SMG1: variants seen among roughly 807,000 people sequenced by gnomAD.
The protein encoded by SMG1 is SMG1 nonsense mediated mRNA decay associated PI3K related kinase, also known as serine/threonine-protein kinase SMG1.
SMG1 carries 22 observed loss-of-function variants against 419.9 expected under a neutral mutation model. The ratio of observed to expected loss-of-function variants is 0.05; its 90% CI spans 0.04 to 0.07. The LOEUF (loss-of-function observed/expected upper bound fraction) is 0.07. Among genes scored for constraint, SMG1 ranks in the 10% least tolerant of loss-of-function variants. SMG1 has a pLI of 1.00. For missense variants in SMG1, 3,185 were observed against 4,342.0 expected (o/e 0.73, Z 7.49); for synonymous variants, 1,538 against 1,553.5 (o/e 0.99, Z 0.23).
Position 18,829,574 on chromosome 16 carries a change from T to A in SMG1, c.9315A>T (p.Thr3105=). The A allele has an allele frequency of 6.2e-7, 1 of 1,614,050 alleles. No individual in the cohort carries two copies. The highest frequency in any genetic ancestry group is 8.5e-7 in the Non-Finnish European group (1 of 1,179,894). ...IGLPNQALGL[T]LCSFISALGV... ...CCAGAGCACTGATAAAACTGCACAG[T>A]GTGAGTCCGAGGGCTTGGTTGGGTA... is the stretch of plus-strand genomic sequence containing the variant. Residue 3105 remains threonine (T), a synonymous_variant, in exon 54 of 63, where the codon ACA becomes ACT. Transcript: ENST00000446231.
intron 3 of SMG1, 148 bp from the exon 4 acceptor site, chr16:18,892,502 T>C (rs2036928381): frequency 1.7e-6 from 1 of 578,552 alleles, no homozygotes; most frequent in South Asian, 2.4e-5. Flanking sequence ...GGCGGGTAGA[T>C]CACCTGAGTT....
rs1428536458 is a variant in SMG1 at position 18,852,058 on chromosome 16, T to C, written c.5052+9A>G. The C allele has an allele frequency of 2.5e-6, 4 of 1,600,498 alleles. No individual in the cohort carries two copies. Among genetic ancestry groups the C allele is most frequent in the South Asian group, 1.1e-5 (1 of 88,152 alleles). On this transcript the variant is annotated intron_variant, in intron 33 of 62. Transcript: ENST00000446231. Reference sequence around the variant, plus strand: ...AGCAATCTTGCCCCAAGCACCATGTTTTCCTTGCCTGAATCCCCGCCGGCC... The same window carrying C: ...AGCAATCTTGCCCCAAGCACCATGTCTTCCTTGCCTGAATCCCCGCCGGCC...
rs140175854 is a variant in SMG1 at position 18,806,428 on chromosome 16, T to G, written c.*3141A>C. 4 of 152,506 alleles carry G rather than the reference T, an allele frequency of 2.6e-5. No individual in the cohort carries two copies. The highest frequency in any genetic ancestry group is 2.6e-4 in the Admixed American group (4 of 15,264). 9.4% of individuals were successfully genotyped at this position (152,506 alleles called of 1,614,324 possible). Reference sequence around the variant, plus strand: ...GTTCTCACATGGAAATCTCAACAGATTTCAAAAGCAACTCACCACAAGTGT... The same window carrying G: ...GTTCTCACATGGAAATCTCAACAGAGTTCAAAAGCAACTCACCACAAGTGT... On this transcript the variant is annotated 3_prime_UTR_variant, in exon 63 of 63. Transcript: ENST00000446231.
chr16:18,859,068 C>T lies in SMG1; in HGVS notation c.4067G>A (p.Cys1356Tyr). The change falls in exon 28 of 63, where the codon TGC becomes TAC. Residue 1356 changes from cysteine to tyrosine, a missense_variant. Transcript: ENST00000446231. ...AACTGTGTTCTCCAAAGCAGATGAGCAATACAGCTGCAAGGTACTTAGAAC... is the reference window on the plus strand; with the variant it reads ...AACTGTGTTCTCCAAAGCAGATGAGTAATACAGCTGCAAGGTACTTAGAAC... ...LPVLSTLQLY[C>Y]SSALENTVSN... 1 of 1,532,008 alleles carries T rather than the reference C, an allele frequency of 6.5e-7. No individual in the cohort carries two copies. Among genetic ancestry groups the T allele is most frequent in the Non-Finnish European group, 8.7e-7 (1 of 1,143,836 alleles). The allele number at this position is 1,532,008 out of a possible 1,614,324, so 94.9% of individuals were successfully genotyped here.
chr16:18,871,078 G>A (rs1479272187), intron 16 of SMG1, among the ~76,000 whole-genome samples, 190 bp from the exon 17 acceptor site: 3 of 152,240 alleles, frequency 2.0e-5, no homozygotes, highest in East Asian at 1.9e-4. Flanking sequence ...CAAAACCCAC[G>A]TAATGTAACT....
intron 23 of SMG1, among the ~76,000 whole-genome samples, chr16:18,864,831 A>C (rs904864262): frequency 1.3e-5 from 2 of 152,182 alleles, no homozygotes; most frequent in Non-Finnish European, 2.9e-5. Context: ...CCCACAAAAA[A>C]TGGTGCAAGA....
At chr16:18,842,516 A>G in intron 39 of SMG1, 62 bp from the exon 40 acceptor site, 2 of 1,528,872 alleles carry the variant, frequency 1.3e-6, no homozygotes, top group South Asian at 1.2e-5. Context: ...TTTCTTCCAC[A>G]TTCAATATGG....
chr16:18,874,378 A>T (rs565000873), intron 13 of SMG1, among the ~76,000 whole-genome samples: 6 of 151,694 alleles, frequency 4.0e-5, no homozygotes, highest in African/African-American at 1.2e-4. Context: ...ACCACAAGTG[A>T]TCAGCCCGAC....
chr16:18,875,944 AAATAT>A, intron 13 of SMG1, 175 bp downstream of exon 13: 1 of 639,822 alleles, frequency 1.6e-6, no homozygotes, highest in South Asian at 2.3e-5. Context: ...AAGAAAAGTT[AAATAT>A]AATGCCAAGA....
chr16:18,865,662 AT>A (rs578185182), intron 23 of SMG1, among the ~76,000 whole-genome samples: 2,213 of 143,018 alleles, frequency 0.015, 42 homozygotes, highest in African/African-American at 0.046. Context: ...TAACATGGCA[AT>A]TTTTTTTTTT....
At chr16:18,919,833 G>T (rs975227964) in intron 1 of SMG1, among the ~76,000 whole-genome samples, 1 of 152,038 alleles carries the variant, frequency 6.6e-6, no homozygotes, top group Non-Finnish European at 1.5e-5. Context: ...CAGGCACGGT[G>T]TCTCACTCCT....
At chr16:18,882,501 TG>T (rs1015504604) in intron 9 of SMG1, among the ~76,000 whole-genome samples, 163 bp from the exon 10 acceptor site, 9 of 152,052 alleles carry the variant, frequency 5.9e-5, no homozygotes, top group South Asian at 2.1e-4. Context: ...AATATAAAAA[TG>T]GGTTTTACCT....
intron 1 of SMG1, among the ~76,000 whole-genome samples, chr16:18,904,192 C>T (rs1237035756): frequency 6.6e-6 from 1 of 150,956 alleles, no homozygotes; most frequent in Non-Finnish European, 1.5e-5. Flanking sequence ...CCACCTTGGC[C>T]TCCCAAAGTG....
intron 4 of SMG1, among the ~76,000 whole-genome samples, chr16:18,891,457 T>C (rs1401976683): frequency 6.6e-6 from 1 of 150,734 alleles, no homozygotes; most frequent in Non-Finnish European, 1.5e-5. Context: ...TTTTTCAAGA[T>C]GGAGTTTCAC....
intron 57 of SMG1, 113 bp downstream of exon 57, chr16:18,817,178 C>A: frequency 6.6e-6 from 5 of 757,126 alleles, no homozygotes; most frequent in Non-Finnish European, 7.2e-6. Context: ...CCCCTAACAA[C>A]CTCTTACATA....
intron 6 of SMG1, among the ~76,000 whole-genome samples, chr16:18,886,630 C>T (rs990463248): frequency 3.9e-5 from 6 of 152,048 alleles, no homozygotes; most frequent in African/African-American, 1.4e-4. Context: ...TGATGAACTC[C>T]GTCTCTACTA....
intron 1 of SMG1, among the ~76,000 whole-genome samples, chr16:18,901,386 T>C (rs980688765): frequency 1.3e-5 from 2 of 152,114 alleles, no homozygotes; most frequent in African/African-American, 4.8e-5. Flanking sequence ...TTTATTTTTA[T>C]GTTTTTTGTA....
At chr16:18,866,357 C>A (rs2035505884) in intron 23 of SMG1, 2 of 495,042 alleles carry the variant, frequency 4.0e-6, no homozygotes, top group South Asian at 4.3e-5. Flanking sequence ...AACTAGGGAT[C>A]AAGTTCAAAA....
intron 45 of SMG1, 139 bp from the exon 46 acceptor site, chr16:18,837,582 A>G: frequency 1.5e-6 from 1 of 685,250 alleles, no homozygotes; most frequent in Non-Finnish European, 2.4e-6. Context: ...CACTGTACAA[A>G]AACAACTAAT....
Sources: allele counts gnomAD v4.1 joint callset (sites outside exome capture counted in the v4.1 genomes callset), GRCh38; gene constraint gnomAD v4.1.1; transcripts MANE v1.5; gene names NCBI Gene and HGNC (gene_info 2026-07-23, HGNC 2026-07-21).